ZSCAN2: variants seen among roughly 807,000 people sequenced by gnomAD.
The protein encoded by ZSCAN2 is zinc finger and SCAN domain containing 2.
In ZSCAN2, 26 loss-of-function variants were observed where a neutral mutation model predicts 47.8. That is an observed-to-expected ratio of 0.54 (90% CI 0.40 to 0.75). The LOEUF is 0.75. Ranked by LOEUF, ZSCAN2 falls within the 30% of genes least tolerant of loss-of-function variation. ZSCAN2 has a pLI of 0.00. For missense variants in ZSCAN2, 732 were observed against 785.4 expected, an observed-to-expected ratio of 0.93 and a Z score of 0.81; for synonymous variants, 305 against 288.7, an observed-to-expected ratio of 1.06 and a Z score of -0.57.
chr15:84,611,745 C>G (rs1895555680), intron 2 of ZSCAN2: 1 of 152,122 alleles, frequency 6.6e-6, no homozygotes, highest in African/African-American at 2.4e-5. Flanking sequence ...TCTCAAAAAA[C>G]ACAAAACAAA....
chr15:84,620,471 A>G, intron 2 of ZSCAN2, 131 bp from the exon 3 acceptor site: 2 of 760,830 alleles, frequency 2.6e-6, no homozygotes, highest in Non-Finnish European at 4.3e-6. Flanking sequence ...TGATTATTAA[A>G]GGCTTTGAGG....
At position 84,622,636 on chromosome 15, in the gene ZSCAN2, C is replaced by A. The variant is rs1239238542; in HGVS notation, c.*596C>A. On this transcript the variant is annotated 3_prime_UTR_variant, in exon 3 of 3. Transcript: ENST00000546148. Reference sequence around the variant, plus strand: ...ACCCACGTGAAGGTAAAGACCCTTTCTATTTCCAGAAAGTGTCAGGAGCAC... The same window carrying A: ...ACCCACGTGAAGGTAAAGACCCTTTATATTTCCAGAAAGTGTCAGGAGCAC... 1 of 717,482 alleles carries A rather than the reference C, an allele frequency of 1.4e-6. No individual in the cohort carries two copies. The highest frequency in any genetic ancestry group is 1.5e-5 in the South Asian group (1 of 67,604). 44.4% of individuals were successfully genotyped at this position (717,482 alleles called of 1,614,324 possible).
In ZSCAN2 at chr15:84,603,870, G is replaced by T; in HGVS notation, c.-58G>T. On this transcript the variant is annotated 5_prime_UTR_variant, in exon 2 of 3. Coordinates refer to ENST00000546148, the MANE Select transcript of ZSCAN2 (RefSeq NM_181877.4). ...AGGGAAGTGTCTTACCTGAGAGCCT[G>T]GCTGGAGAAGACTGAGGTCCAAGGC... 1 of 1,555,592 alleles carries T rather than the reference G, an allele frequency of 6.4e-7. No homozygotes were observed. The highest frequency in any genetic ancestry group is 8.7e-7 in the Non-Finnish European group (1 of 1,149,060).
rs763013714 is a variant in ZSCAN2 at position 84,609,550 on chromosome 15, C to T, written c.406+5217C>T. Among the ~76,000 whole-genome samples the T allele has an allele frequency of 3.9e-5, 6 of 152,172 alleles. No homozygotes were observed. The East Asian group carries it at 5.8e-4, about 15-fold the overall frequency. On this transcript the variant is annotated intron_variant, in intron 2 of 2. Coordinates refer to ENST00000546148, the MANE Select transcript of ZSCAN2 (RefSeq NM_181877.4). ...TATACCGGACAGAATTCTTAGGGAG[C>T]GGTAACGTTATACCTATGAAATGTT...
rs1006720994 is a variant in ZSCAN2, at chr15:84,622,516, C to A, written c.*476C>A. On this transcript the variant is annotated 3_prime_UTR_variant, in exon 3 of 3. Coordinates refer to ENST00000546148, the MANE Select transcript of ZSCAN2 (RefSeq NM_181877.4). Reference sequence around the variant, plus strand: ...ACCCCAAGCTGTTAGTGTTCCAGGGCACCCCAAGCTGTCAGTTAGAATCTG... The same window carrying A: ...ACCCCAAGCTGTTAGTGTTCCAGGGAACCCCAAGCTGTCAGTTAGAATCTG... 3 of 673,674 alleles carry A rather than the reference C, an allele frequency of 4.5e-6. No homozygotes were observed. Among genetic ancestry groups the A allele is most frequent in the Non-Finnish European group, 8.2e-6 (3 of 364,314 alleles). The allele number at this position is 673,674 out of a possible 1,614,324, so 41.7% of individuals were successfully genotyped here. A position where few individuals can be genotyped will look rare whatever the true frequency, so the allele number is the denominator to read the frequency against.
rs149982840 is a variant in ZSCAN2 at position 84,608,314 on chromosome 15, G to A, written c.406+3981G>A. On this transcript the variant is annotated intron_variant, in intron 2 of 2. Coordinates refer to ENST00000546148, the MANE Select transcript of ZSCAN2 (RefSeq NM_181877.4). Reference sequence around the variant, plus strand: ...TGAGGCCGAGGCGGGTGGATCACTCGAGGCCAGGAGTTCGAGACCAGCCTG... The same window carrying A: ...TGAGGCCGAGGCGGGTGGATCACTCAAGGCCAGGAGTTCGAGACCAGCCTG... Among the ~76,000 whole-genome samples the A allele has an allele frequency of 1.8e-3, 268 of 151,978 alleles. 7 individuals carry two copies. In the East Asian group the frequency reaches 0.05, roughly 28 times the overall value.
chr15:84,612,262 G>A (rs1197536577), intron 2 of ZSCAN2: 1 of 152,330 alleles, frequency 6.6e-6, no homozygotes, highest in Non-Finnish European at 1.5e-5. Flanking sequence ...TCTGGTCTTA[G>A]AGGGCAACTT....
intron 2 of ZSCAN2, among the ~76,000 whole-genome samples, chr15:84,604,989 G>T (rs1304779806): frequency 6.6e-6 from 1 of 152,108 alleles, no homozygotes; most frequent in Non-Finnish European, 1.5e-5. Flanking sequence ...GCCCACCTCA[G>T]CCCCCGAAAG....
chr15:84,610,062 G>A (rs769288024), intron 2 of ZSCAN2, among the ~76,000 whole-genome samples: 1 of 152,220 alleles, frequency 6.6e-6, no homozygotes, highest in Non-Finnish European at 1.5e-5. Context: ...TGGCAAGTGC[G>A]AGAAATACAA....
chr15:84,606,550 T>C (rs765655516), intron 2 of ZSCAN2: 1 of 1,614,008 alleles, frequency 6.2e-7, no homozygotes, highest in South Asian at 1.1e-5. Context: ...GTTGCTTCCC[T>C]TCCGGTGGAG....
rs1460706797 is a variant in ZSCAN2 at position 84,603,804 on chromosome 15, CT to C, written c.-108-10del. The C allele has an allele frequency of 1.7e-6, 2 of 1,209,168 alleles. No individual in the cohort carries two copies. Among genetic ancestry groups the C allele is most frequent in the Non-Finnish European group, 1.2e-6 (1 of 868,792 alleles). 74.9% of individuals were successfully genotyped at this position (1,209,168 alleles called of 1,614,324 possible). A position where few individuals can be genotyped will look rare whatever the true frequency, so the allele number is the denominator to read the frequency against. ...CAGTCTACCTATGGATTATGGTTCT[CT>C]TTTTTGTTTCTCAGCGGGACTACTT... On this transcript the variant is annotated splice_polypyrimidine_tract_variant and intron_variant, in intron 1 of 2. Coordinates refer to ENST00000546148, the MANE Select transcript of ZSCAN2 (RefSeq NM_181877.4).
In ZSCAN2 at chr15:84,604,293, G is replaced by T. The variant is rs535820435; in HGVS notation, c.366G>T (p.Ala122=). Residue 122 remains alanine (A), a synonymous_variant, in exon 2 of 3, where the codon GCG becomes GCT. Transcript: ENST00000546148. ...EHRPESSEEA[A]ALVEDLTQTL... is the part of the protein sequence containing the mutation. ...GGCCTGAAAGCAGTGAGGAGGCAGCGGCCCTGGTGGAAGACTTGACCCAGA... is the reference window on the plus strand; with the variant it reads ...GGCCTGAAAGCAGTGAGGAGGCAGCTGCCCTGGTGGAAGACTTGACCCAGA... 2 of 1,613,546 alleles carry T rather than the reference G, an allele frequency of 1.2e-6. No individual in the cohort carries two copies. Among genetic ancestry groups the T allele is most frequent in the East Asian group, 2.2e-5 (1 of 44,880 alleles).
intron 2 of ZSCAN2, among the ~76,000 whole-genome samples, chr15:84,618,441 T>A (rs1895744526): frequency 2.0e-5 from 3 of 152,048 alleles, no homozygotes. Context: ...AAGTGCAGCT[T>A]TTTTTAGGAT....
chr15:84,620,401 CAT>C (rs1254290017), intron 2 of ZSCAN2, among the ~76,000 whole-genome samples, 199 bp from the exon 3 acceptor site: 7 of 152,262 alleles, frequency 4.6e-5, no homozygotes, highest in African/African-American at 1.2e-4. Context: ...CAGCATTGAA[CAT>C]GTGTGTGCAT....
chr15:84,608,935 C>G (rs1427594199), intron 2 of ZSCAN2, among the ~76,000 whole-genome samples: 1 of 152,180 alleles, frequency 6.6e-6, no homozygotes, highest in African/African-American at 2.4e-5. Flanking sequence ...CCAGGTGATT[C>G]CTATGCTCTT....
chr15:84,609,471 A>G (rs940806516), intron 2 of ZSCAN2, among the ~76,000 whole-genome samples: 8 of 152,132 alleles, frequency 5.3e-5, no homozygotes, highest in Non-Finnish European at 1.0e-4. Context: ...AACAGGAATG[A>G]GCCACTGTGC....
At chr15:84,620,090 C>T (rs1434453983) in intron 2 of ZSCAN2, among the ~76,000 whole-genome samples, 1 of 152,080 alleles carries the variant, frequency 6.6e-6, no homozygotes, top group African/African-American at 2.4e-5. Context: ...CTTCCTGATG[C>T]TCTCCCTCCC....
In ZSCAN2 at chr15:84,621,936, A is replaced by G. The variant is rs202013478; in HGVS notation, c.1741A>G (p.Thr581Ala). ...SVLIIHQRIH[T>A]GEKPYKCPEC... ...CCTCATTATACATCAGCGAATCCAC[A>G]CTGGGGAGAAGCCCTACAAATGCCC... The change falls in exon 3 of 3, where the codon ACT becomes GCT. Residue 581 changes from threonine to alanine, a missense_variant. By Grantham distance (58) the Thr-to-Ala change is moderately conservative (BLOSUM62 0). Transcript: ENST00000546148. This position sits in a 1 kb window ranked among gnomAD's most constrained non-coding sequence, Gnocchi z 5.7. The G allele has an allele frequency of 6.2e-7, 1 of 1,614,160 alleles. No homozygotes were observed.
intron 1 of ZSCAN2, among the ~76,000 whole-genome samples, chr15:84,602,874 C>G (rs751726763): frequency 6.6e-6 from 1 of 152,040 alleles, no homozygotes; most frequent in African/African-American, 2.4e-5. Context: ...CAGGCAACCA[C>G]GCCAAGCCTA....
Sources: allele counts gnomAD v4.1 joint callset (sites outside exome capture counted in the v4.1 genomes callset), GRCh38; gene constraint gnomAD v4.1.1; non-coding constraint Gnocchi (gnomAD v3.1); transcripts MANE v1.5; gene names NCBI Gene and HGNC (gene_info 2026-07-23, HGNC 2026-07-21).